The following ARPC1A variants were observed in gnomAD, a reference collection of about 807,000 sequenced individuals.
ARPC1A encodes actin-related protein 2/3 complex subunit 1A.
In ARPC1A, 8 loss-of-function variants were observed where a neutral mutation model predicts 46.9. That is an observed-to-expected ratio of 0.17 (90% CI 0.10 to 0.31). The LOEUF is 0.31. Ranked by LOEUF, ARPC1A falls within the 10% of genes least tolerant of loss-of-function variation. ARPC1A has a pLI of 1.00. For missense variants in ARPC1A, 286 were observed against 483.6 expected (o/e 0.59, Z 3.83); for synonymous variants, 152 against 169.0 (o/e 0.90, Z 0.78).
intron 4 of ARPC1A, among the ~76,000 whole-genome samples, chr7:99,345,216 G>A (rs1793426956): frequency 6.6e-6 from 1 of 151,814 alleles, no homozygotes; most frequent in African/African-American, 2.4e-5. Context: ...ACAGGCGTGA[G>A]CCACCACGCC....
chr7:99,352,301 G>A (rs985363791), intron 5 of ARPC1A, among the ~76,000 whole-genome samples: 1 of 152,086 alleles, frequency 6.6e-6, no homozygotes, highest in Non-Finnish European at 1.5e-5. Context: ...GGTCTTTTGT[G>A]ATCACTACTT....
chr7:99,352,835 A>G (rs1793566011), intron 5 of ARPC1A, among the ~76,000 whole-genome samples: 1 of 150,998 alleles, frequency 6.6e-6, no homozygotes, highest in South Asian at 2.1e-4. Flanking sequence ...ATGGTGGCAC[A>G]TGCCTGTAAT....
intron 6 of ARPC1A, among the ~76,000 whole-genome samples, chr7:99,354,827 C>T (rs1163445502): frequency 6.6e-6 from 1 of 151,976 alleles, no homozygotes; most frequent in Non-Finnish European, 1.5e-5. Context: ...AATAAAAATA[C>T]AAAAATTAGC....
rs755158875 is a variant in ARPC1A, at chr7:99,347,829, C to CA, written c.393-1007dup. Reference sequence around the variant, plus strand: ...GGACAACAAGAGCGAAACTCCATCTCAAAAAAAAAAAAAAAAGAAAGAAAG... The same window carrying CA: ...GGACAACAAGAGCGAAACTCCATCTCAAAAAAAAAAAAAAAAAGAAAGAAAG... On this transcript the variant is annotated intron_variant, in intron 4 of 9. Coordinates refer to ENST00000262942, the MANE Select transcript of ARPC1A (RefSeq NM_006409.4). 3.1e-3 allele frequency among the ~76,000 whole-genome samples: 276 copies of CA among 90,354 alleles called. 1 individual carries two copies. The highest frequency in any genetic ancestry group is 0.015 in the South Asian group (45 of 3,008). 59.3% of individuals were successfully genotyped at this position (90,354 alleles called of 152,430 possible).
At chr7:99,359,760 G>A (rs1341530683) in intron 8 of ARPC1A, 22 bp downstream of exon 8, 2 of 1,613,500 alleles carry the variant, frequency 1.2e-6, no homozygotes, top group South Asian at 2.2e-5. Context: ...CTGTAGAGAG[G>A]TGGTCAGGTG....
At chr7:99,351,947 C>G (rs1173271734) in intron 5 of ARPC1A, among the ~76,000 whole-genome samples, 1 of 152,082 alleles carries the variant, frequency 6.6e-6, no homozygotes, top group African/African-American at 2.4e-5. Flanking sequence ...TGGAAACGGG[C>G]GACACCACCT....
At position 99,361,907 on chromosome 7, in the gene ARPC1A, C is replaced by T. The variant is rs575657444; in HGVS notation, c.984-1636C>T. Reference sequence around the variant, plus strand: ...TAAACAGATGAGGTGGCTGTGTTCCCGTCAAACTTTATGGACACTCAAATT... The same window carrying T: ...TAAACAGATGAGGTGGCTGTGTTCCTGTCAAACTTTATGGACACTCAAATT... On this transcript the variant is annotated intron_variant, in intron 8 of 9. Transcript: ENST00000262942. Among the ~76,000 whole-genome samples the T allele has an allele frequency of 5.3e-5, 8 of 152,264 alleles. No individual in the cohort carries two copies. The East Asian group carries it at 5.8e-4, about 11-fold the overall frequency.
chr7:99,334,491 C>A (rs1793205677), intron 2 of ARPC1A, among the ~76,000 whole-genome samples: 1 of 152,114 alleles, frequency 6.6e-6, no homozygotes, highest in Non-Finnish European at 1.5e-5. Flanking sequence ...ATCAAAGAAA[C>A]CATTGCATAA....
chr7:99,332,903 C>CT (rs1167950297), intron 1 of ARPC1A, among the ~76,000 whole-genome samples: 169 of 97,546 alleles, frequency 1.7e-3, no homozygotes, highest in African/African-American at 5.4e-3. Context: ...CATGCCCGGC[C>CT]TTTTTTTTTT....
intron 6 of ARPC1A, among the ~76,000 whole-genome samples, chr7:99,356,333 A>G (rs1003513627): frequency 7.9e-5 from 12 of 152,208 alleles, no homozygotes; most frequent in Non-Finnish European, 1.8e-4. Context: ...GGCCGGGTGC[A>G]GTGGCTCACG....
chr7:99,363,322 G>A (rs1179961959), intron 8 of ARPC1A: 3 of 516,520 alleles, frequency 5.8e-6, no homozygotes, highest in African/African-American at 2.0e-5. Context: ...GCTTATGCCT[G>A]TAATCCCAGC....
rs1793590409 is a variant in ARPC1A at position 99,353,984 on chromosome 7, G to A, written c.576G>A (p.Gly192=). 6.2e-7 allele frequency: 1 copy of A among 1,613,872 alleles called. No individual in the cohort carries two copies. Among genetic ancestry groups the A allele is most frequent in the African/African-American group, 1.3e-5 (1 of 74,924 alleles). Residue 192 remains glycine (G), a synonymous_variant, in exon 6 of 10, where the codon GGG becomes GGA. Transcript: ENST00000262942. ...CCTGGGGCAGCAAGATGCCTTTTGG[G>A]CAGCTGATGTCAGAGTTTGGTGGCA... ...STPWGSKMPF[G]QLMSEFGGSG... is the part of the protein sequence containing the mutation.
chr7:99,365,294 A>G (rs1584389998), intron 9 of ARPC1A, among the ~76,000 whole-genome samples: 1 of 152,016 alleles, frequency 6.6e-6, no homozygotes, highest in East Asian at 1.9e-4. Flanking sequence ...TCTATAAAAA[A>G]GCCAGGTGCA....
chr7:99,365,769 G>T lies in ARPC1A; in HGVS notation c.1075-122G>T, dbSNP rs916226574. 6 of 1,047,712 alleles carry T rather than the reference G, an allele frequency of 5.7e-6. No homozygotes were observed. In the African/African-American group the frequency reaches 9.5e-5, roughly 17 times the overall value. The allele number at this position is 1,047,712 out of a possible 1,614,324, so 64.9% of individuals were successfully genotyped here. On this transcript the variant is annotated intron_variant, in intron 9 of 9. Transcript: ENST00000262942. Reference sequence around the variant, plus strand: ...TCCTGGGAGATCCTGTTTCAGGTGGGGCAGGGCCAGGTTCAGGGTGGGGAC... The same window carrying T: ...TCCTGGGAGATCCTGTTTCAGGTGGTGCAGGGCCAGGTTCAGGGTGGGGAC...
At chr7:99,353,380 G>A (rs1218790093) in intron 5 of ARPC1A, among the ~76,000 whole-genome samples, 4 of 152,150 alleles carry the variant, frequency 2.6e-5, no homozygotes, top group East Asian at 1.9e-4. Flanking sequence ...GGATGGTCTC[G>A]ATCTCCTGAC....
intron 1 of ARPC1A, among the ~76,000 whole-genome samples, chr7:99,332,903 C>CACCATGCCCGGCGT (rs1793170966): frequency 1.0e-5 from 1 of 97,640 alleles, no homozygotes; most frequent in African/African-American, 6.8e-5. Context: ...CATGCCCGGC[C>CACCATGCCCGGCGT]TTTTTTTTTT....
At chr7:99,350,574 A>G (rs538967027) in intron 5 of ARPC1A, among the ~76,000 whole-genome samples, 1 of 151,510 alleles carries the variant, frequency 6.6e-6, no homozygotes, top group East Asian at 1.9e-4. Flanking sequence ...AAAGGAAAGC[A>G]AAGCAAATAA....
chr7:99,356,725 C>CCTGTTAG (rs1302101705), intron 6 of ARPC1A, among the ~76,000 whole-genome samples: 2 of 151,778 alleles, frequency 1.3e-5, no homozygotes, highest in African/African-American at 4.8e-5. Context: ...CACGGTGAAA[C>CCTGTTAG]CCTGTCTCTA....
intron 3 of ARPC1A, among the ~76,000 whole-genome samples, chr7:99,342,596 A>G (rs1793372998): frequency 6.6e-6 from 1 of 152,132 alleles, no homozygotes; most frequent in Non-Finnish European, 1.5e-5. Flanking sequence ...CTTGTAATGA[A>G]TAAATAAAAT....
Sources: gnomAD v4.1 joint callset for allele counts (sites outside exome capture counted in the v4.1 genomes callset) on GRCh38, gnomAD v4.1.1 for gene constraint, MANE v1.5 for transcripts, NCBI Gene and HGNC (gene_info 2026-07-23, HGNC 2026-07-21) for gene names.